The following NELL2 variants were observed in gnomAD, a reference collection of about 807,000 sequenced individuals.
NELL2 encodes the protein neural EGFL like 2.
In NELL2, 41 loss-of-function variants were observed where a neutral mutation model predicts 109.6. That is an observed-to-expected ratio of 0.37 (90% confidence interval 0.29 to 0.49). The LOEUF (loss-of-function observed/expected upper bound fraction) is 0.49, where lower values mean the gene tolerates loss of function less well. NELL2 is among the 20% of genes least tolerant of loss of function. The pLI, the probability that NELL2 is intolerant of heterozygous loss-of-function variation, is 0.98. For missense variants in NELL2, 900 were observed against 1,008.3 expected (o/e 0.89, Z 1.45); for synonymous variants, 355 against 344.7 (o/e 1.03, Z -0.33).
upstream of NELL2, among the ~76,000 whole-genome samples, chr12:44,916,749 CTT>C (rs941290308): frequency 5.3e-5 from 8 of 152,116 alleles, 1 homozygote; most frequent in African/African-American, 1.9e-4. Context: ...ATATTGAACA[CTT>C]TTTGAACACC....
chr12:44,841,802 A>G (rs1020711192), intron 2 of NELL2, among the ~76,000 whole-genome samples: 1 of 152,186 alleles, frequency 6.6e-6, no homozygotes, highest in Admixed American at 6.5e-5. Flanking sequence ...AGAGTGGAGC[A>G]ATCTCTCTGA....
intron 15 of NELL2, among the ~76,000 whole-genome samples, chr12:44,542,082 G>A (rs10880651): frequency 0.59 from 88,948 of 151,926 alleles, 26,149 homozygotes; most frequent in East Asian, 0.72. Flanking sequence ...ATTAGGCCAT[G>A]TAGTTCCTTA....
intron 13 of NELL2, among the ~76,000 whole-genome samples, chr12:44,652,655 A>AC (rs1233501408): frequency 6.6e-6 from 1 of 152,218 alleles, no homozygotes; most frequent in Non-Finnish European, 1.5e-5. Context: ...GGACAAGTCA[A>AC]CAGTGTTAGC....
intron 13 of NELL2, among the ~76,000 whole-genome samples, chr12:44,617,118 A>G (rs992714033): frequency 1.3e-5 from 2 of 152,142 alleles, no homozygotes; most frequent in Non-Finnish European, 2.9e-5. Context: ...CAAGTCTGGT[A>G]TATGAAAACA....
At chr12:44,906,484 G>A (rs1945720412) in intron 1 of NELL2, among the ~76,000 whole-genome samples, 1 of 152,042 alleles carries the variant, frequency 6.6e-6, no homozygotes, top group Non-Finnish European at 1.5e-5. Context: ...AATAATCCAG[G>A]TAAAAAATGA....
chr12:44,766,414 C>T (rs1012662130), intron 9 of NELL2, among the ~76,000 whole-genome samples: 5 of 152,202 alleles, frequency 3.3e-5, no homozygotes, highest in Admixed American at 2.0e-4. Flanking sequence ...GTTGGGTTGT[C>T]GGAATTGCTA....
At chr12:44,693,095 T>C (rs1948948178) in intron 12 of NELL2, among the ~76,000 whole-genome samples, 1 of 152,106 alleles carries the variant, frequency 6.6e-6, no homozygotes, top group Admixed American at 6.6e-5. Flanking sequence ...GAAGAGTCAG[T>C]TGACAAATTT....
chr12:44,888,219 T>C (rs1228230250), intron 1 of NELL2, among the ~76,000 whole-genome samples: 1 of 152,068 alleles, frequency 6.6e-6, no homozygotes, highest in Non-Finnish European at 1.5e-5. Context: ...GCCAGTATCA[T>C]GCTGATTTGG....
chr12:44,911,104 T>A (rs1945774996), intron 1 of NELL2, among the ~76,000 whole-genome samples: 2 of 151,998 alleles, frequency 1.3e-5, no homozygotes, highest in Non-Finnish European at 2.9e-5. Flanking sequence ...AATATACCCA[T>A]GTAACAAATC....
upstream of NELL2, among the ~76,000 whole-genome samples, chr12:44,916,546 T>C (rs1160972968): frequency 6.6e-6 from 1 of 152,162 alleles, no homozygotes; most frequent in Non-Finnish European, 1.5e-5. Flanking sequence ...TTAAGTTTCC[T>C]TTCTAATAAA....
intron 2 of NELL2, among the ~76,000 whole-genome samples, chr12:44,856,995 G>A (rs1439961339): frequency 6.6e-6 from 1 of 152,180 alleles, no homozygotes; most frequent in African/African-American, 2.4e-5. Flanking sequence ...GAGGAAAGGA[G>A]AAGTGATCAG....
At chr12:44,882,597 A>G (rs569575951) in intron 1 of NELL2, among the ~76,000 whole-genome samples, 4 of 151,736 alleles carry the variant, frequency 2.6e-5, no homozygotes, top group African/African-American at 9.7e-5. Context: ...GCACCGTCTC[A>G]GCTCACTGCA....
chr12:44,747,221 T>C (rs1481388791), intron 9 of NELL2, among the ~76,000 whole-genome samples: 1 of 152,036 alleles, frequency 6.6e-6, no homozygotes, highest in Non-Finnish European at 1.5e-5. Flanking sequence ...ACACCACATG[T>C]TCTCACTCAT....
At chr12:44,836,904 G>A (rs898386441) in intron 2 of NELL2, among the ~76,000 whole-genome samples, 5 of 152,072 alleles carry the variant, frequency 3.3e-5, no homozygotes, top group African/African-American at 4.8e-5. Flanking sequence ...AGAGGAGGCG[G>A]GCATAGAGAG....
At chr12:44,571,430 T>C (rs1162021584) in intron 15 of NELL2, among the ~76,000 whole-genome samples, 1 of 152,138 alleles carries the variant, frequency 6.6e-6, no homozygotes, top group Non-Finnish European at 1.5e-5. Flanking sequence ...ATGGTGAAAG[T>C]TGAGAATGCT....
intron 11 of NELL2, among the ~76,000 whole-genome samples, chr12:44,710,936 G>T (rs536007297): frequency 7.2e-5 from 11 of 152,072 alleles, no homozygotes; most frequent in Non-Finnish European, 1.5e-4. Context: ...AAACTCACTT[G>T]CCAAGAAACA....
intron 13 of NELL2, among the ~76,000 whole-genome samples, chr12:44,653,226 T>C (rs7134560): frequency 1.3e-5 from 2 of 152,218 alleles, no homozygotes; most frequent in Non-Finnish European, 2.9e-5. Context: ...CTACTTTACA[T>C]GTGTTTTTCT....
chr12:44,622,575 G>C (rs1946098323), intron 13 of NELL2, among the ~76,000 whole-genome samples: 2 of 152,102 alleles, frequency 1.3e-5, no homozygotes, highest in South Asian at 4.1e-4. Flanking sequence ...AAATATAAAA[G>C]GTAACTTCTG....
intron 13 of NELL2, among the ~76,000 whole-genome samples, chr12:44,629,491 A>T (rs1163434227): frequency 6.6e-6 from 1 of 152,126 alleles, no homozygotes; most frequent in Non-Finnish European, 1.5e-5. Context: ...CATTACAGAG[A>T]TGTCACAGGT....
Sources: allele counts gnomAD v4.1 joint callset (sites outside exome capture counted in the v4.1 genomes callset), GRCh38; gene constraint gnomAD v4.1.1; transcripts MANE v1.5; gene names NCBI Gene and HGNC (gene_info 2026-07-23, HGNC 2026-07-21).